The following MISP variants were observed in gnomAD, a reference collection of about 807,000 sequenced individuals.
MISP encodes the protein mitotic interactor and substrate of PLK1.
A neutral mutation model predicts 49.3 loss-of-function variants in MISP; 51 were observed. The observed-to-expected ratio is 1.03, with a 90% CI of 0.83 to 1.31. The LOEUF (loss-of-function observed/expected upper bound fraction) is 1.31. Among genes scored for constraint, MISP ranks in the 50% most tolerant of loss-of-function variants. The probability of loss-of-function intolerance (pLI) is 0.00; values close to 1 mark genes in which losing one functional copy is unlikely to be tolerated. For synonymous variants in MISP, 444 were observed against 392.6 expected (o/e 1.13, Z -1.55); for missense variants, 1,084 against 935.1 (o/e 1.16, Z -2.08).
At position 758,400 on chromosome 19, in the gene MISP, C is replaced by G. The variant is rs750608364; in HGVS notation, c.1454C>G (p.Ser485Trp). ...GKPLSTKQEA[S>W]KPPRGCPQAN... Reference sequence around the variant, plus strand: ...CCCCTGAGCACAAAGCAAGAGGCATCGAAGCCCCCTCGGGGATGCCCGCAA... The same window carrying G: ...CCCCTGAGCACAAAGCAAGAGGCATGGAAGCCCCCTCGGGGATGCCCGCAA... Residue 485 changes from serine to tryptophan, a missense_variant, in exon 2 of 5, where the codon TCG becomes TGG. Physicochemically the swap from Ser to Trp is radical, Grantham distance 177. Coordinates refer to ENST00000215582, the MANE Select transcript of MISP (RefSeq NM_173481.4). 6.2e-7 allele frequency: 1 copy of G among 1,614,196 alleles called. No individual in the cohort carries two copies. Among genetic ancestry groups the G allele is most frequent in the South Asian group, 1.1e-5 (1 of 91,072 alleles).
chr19:758,474 C>A lies in MISP; in HGVS notation c.1528C>A (p.Arg510=). 6.2e-7 allele frequency: 1 copy of A among 1,614,090 alleles called. No individual in the cohort carries two copies. The highest frequency in any genetic ancestry group is 8.5e-7 in the Non-Finnish European group (1 of 1,179,994). ...RWEYFRLRPL[R]FRAPDEPQQA... ...GGAGTACTTCCGCCTGCGTCCTCTG[C>A]GGTTCAGGGCCCCAGACGAGCCCCA... is the stretch of plus-strand genomic sequence containing the variant. Residue 510 remains arginine, a synonymous_variant, in exon 2 of 5, where the codon CGG becomes AGG. Transcript: ENST00000215582.
rs1177860782 is a variant in MISP, at chr19:756,915, G to T, written c.-32G>T. ...TAAGCCCAGAGGTCTCCACCCCACG[G>T]GAGGAAGGCTGAGGCCAAGACCCCG... is the stretch of plus-strand genomic sequence containing the variant. On this transcript the variant is annotated 5_prime_UTR_variant, in exon 2 of 5. Transcript: ENST00000215582. 4 of 1,480,610 alleles carry T rather than the reference G, an allele frequency of 2.7e-6. No individual in the cohort carries two copies. The South Asian group carries it at 4.1e-5, about 15-fold the overall frequency. The allele number at this position is 1,480,610 out of a possible 1,614,324, so 91.7% of individuals were successfully genotyped here.
At chr19:749,827 AAAAAAAACAC>A (rs558334681), upstream of MISP, among the ~76,000 whole-genome samples, 1 of 130,154 alleles carries the variant, frequency 7.7e-6, no homozygotes, top group East Asian at 2.7e-4. Context: ...TCCGTCTCAA[AAAAAAAACAC>A]AAAAAAAGCA....
chr19:754,871 G>T (rs1160256091), intron 1 of MISP, among the ~76,000 whole-genome samples: 1 of 152,012 alleles, frequency 6.6e-6, no homozygotes. Flanking sequence ...TGGAAGAGGA[G>T]GGTCTGGTTT....
At chr19:759,399 GTT>G (rs35949810) in intron 2 of MISP, among the ~76,000 whole-genome samples, 9,950 of 97,246 alleles carry the variant, frequency 0.1, 361 homozygotes, top group African/African-American at 0.17. Flanking sequence ...CACTTTTAAT[GTT>G]TTTTTTTTTT....
chr19:750,930 G>A (rs1384498701), upstream of MISP, among the ~76,000 whole-genome samples: 1 of 152,144 alleles, frequency 6.6e-6, no homozygotes, highest in Non-Finnish European at 1.5e-5. Context: ...GGGGGTGGAG[G>A]GGCAGCCGGC....
upstream of MISP, among the ~76,000 whole-genome samples, chr19:748,544 T>TC (rs1001106110): frequency 2.6e-5 from 4 of 151,970 alleles, no homozygotes; most frequent in East Asian, 7.7e-4. Flanking sequence ...GGGGCTGCTG[T>TC]GGGGGGGCAG....
upstream of MISP, among the ~76,000 whole-genome samples, chr19:749,851 C>T (rs919583510): frequency 7.2e-5 from 11 of 151,962 alleles, no homozygotes; most frequent in African/African-American, 2.7e-4. Context: ...AAAAGCACCC[C>T]CCTCCTGAGC....
At chr19:753,552 AT>A (rs1231485400) in intron 1 of MISP, among the ~76,000 whole-genome samples, 2 of 150,522 alleles carry the variant, frequency 1.3e-5, no homozygotes, top group South Asian at 2.1e-4. Flanking sequence ...CACCCGGTTA[AT>A]TTTTTTTGTA....
rs1260815703 is a variant in MISP at position 759,962 on chromosome 19, C to G, written c.1834C>G (p.Leu612Val). 1.9e-6 allele frequency: 3 copies of G among 1,614,114 alleles called. No homozygotes were observed. In the East Asian group the frequency reaches 6.7e-5, roughly 36 times the overall value. Residue 612 changes from leucine to valine, a missense_variant, in exon 3 of 5, where the codon CTA becomes GTA. By Grantham distance (32) the Leu-to-Val change is conservative. Coordinates refer to ENST00000215582, the MANE Select transcript of MISP (RefSeq NM_173481.4). ...GTCTCCCTTCTTCAGCCCCATCCAC[C>G]TACACTCAAACGTGGCGTGGACAGT... ...SESPFFSPIH[L>V]HSNVAWTVED... is the part of the protein sequence containing the mutation.
intron 1 of MISP, 145 bp from the exon 2 acceptor site, chr19:756,745 T>C: frequency 1.7e-6 from 1 of 581,188 alleles, no homozygotes; most frequent in Non-Finnish European, 3.0e-6. Flanking sequence ...TGGGCTGCTC[T>C]GAGTGGCTGG....
In MISP at chr19:760,772, G is replaced by C. The variant is rs78023653; in HGVS notation, c.1911+733G>C. Among the ~76,000 whole-genome samples the C allele has an allele frequency of 7.2e-5, 11 of 152,026 alleles. No individual in the cohort carries two copies. The South Asian group carries it at 2.3e-3, about 32-fold the overall frequency. On this transcript the variant is annotated intron_variant, in intron 3 of 4. Coordinates refer to ENST00000215582, the MANE Select transcript of MISP (RefSeq NM_173481.4). ...CGAGGAAGGAAGGGAGGGAGGGAGA[G>C]GGAGAGACGGAGGGATGTGTCTGTC...
At chr19:760,928 G>A (rs2033662999) in intron 3 of MISP, among the ~76,000 whole-genome samples, 1 of 151,788 alleles carries the variant, frequency 6.6e-6, no homozygotes, top group African/African-American at 2.4e-5. Context: ...TGCCTTAGGG[G>A]TTTTACTTTA....
At chr19:753,834 T>C (rs8112558) in intron 1 of MISP, among the ~76,000 whole-genome samples, 81,091 of 151,532 alleles carry the variant, frequency 0.54, 22,457 homozygotes, top group South Asian at 0.71. Context: ...TGGAGTGCAA[T>C]GGCACAATCT....
rs185794418 is a variant in MISP at position 759,978 on chromosome 19, C to G, written c.1850C>G (p.Ala617Gly). 2 of 1,614,046 alleles carry G rather than the reference C, an allele frequency of 1.2e-6. No individual in the cohort carries two copies. Among genetic ancestry groups the G allele is most frequent in the Admixed American group, 1.7e-5 (1 of 60,008 alleles). The change falls in exon 3 of 5, where the codon GCG (alanine) becomes GGG (glycine). Residue 617 changes from alanine (A) to glycine (G), a missense_variant. Physicochemically the swap from Ala to Gly is moderately conservative, Grantham distance 60 (BLOSUM62 0). Transcript: ENST00000215582. ...FSPIHLHSNV[A>G]WTVEDPVDSA... ...CCCATCCACCTACACTCAAACGTGG[C>G]GTGGACAGTGGAAGATCCAGTGGAC...
chr19:756,280 T>C (rs956604360), intron 1 of MISP, among the ~76,000 whole-genome samples: 1 of 152,212 alleles, frequency 6.6e-6, no homozygotes, highest in Non-Finnish European at 1.5e-5. Context: ...CAGGGTCTCA[T>C]GTCATTGGCT....
At position 758,111 on chromosome 19, in the gene MISP, C is replaced by T; in HGVS notation, c.1165C>T (p.Leu389Phe). 1 of 1,601,614 alleles carries T rather than the reference C, an allele frequency of 6.2e-7. No individual in the cohort carries two copies. Among genetic ancestry groups the T allele is most frequent in the Non-Finnish European group, 8.5e-7 (1 of 1,173,906 alleles). ...GGTCTCGGAGGGTCCCCAGCCCGGA[C>T]TCCGGAGAGCCCTCAGCTCAGATTC... is the stretch of plus-strand genomic sequence containing the variant. ...DWVSEGPQPGLRRALSSDSIL... is the reference protein window; with the variant it reads ...DWVSEGPQPGFRRALSSDSIL... The change falls in exon 2 of 5, where the codon CTC becomes TTC. Residue 389 changes from leucine to phenylalanine, a missense_variant. Coordinates refer to ENST00000215582, the MANE Select transcript of MISP (RefSeq NM_173481.4).
chr19:754,961 G>C (rs1280321690), intron 1 of MISP, among the ~76,000 whole-genome samples: 1 of 148,920 alleles, frequency 6.7e-6, no homozygotes, highest in Non-Finnish European at 1.5e-5. Flanking sequence ...GTTTGGGGTG[G>C]AAGAGGAGGG....
chr19:752,711 C>T (rs979356366), intron 1 of MISP, among the ~76,000 whole-genome samples: 4 of 151,774 alleles, frequency 2.6e-5, no homozygotes, highest in Middle Eastern at 3.4e-3. Flanking sequence ...CTGGGAGACC[C>T]GGCACCTGCT....
Sources: gnomAD v4.1 joint callset for allele counts (sites outside exome capture counted in the v4.1 genomes callset) on GRCh38, gnomAD v4.1.1 for gene constraint, MANE v1.5 for transcripts, NCBI Gene and HGNC (gene_info 2026-07-23, HGNC 2026-07-21) for gene names.